The following TNS1 variants were observed in gnomAD, a reference collection of about 807,000 sequenced individuals.
TNS1 encodes the protein tensin 1.
In TNS1, 62 loss-of-function variants were observed where a neutral mutation model predicts 168.6. That is an observed-to-expected ratio of 0.37 (90% CI 0.30 to 0.45). The LOEUF (loss-of-function observed/expected upper bound fraction) is 0.45. Ranked by LOEUF, TNS1 falls within the 20% of genes least tolerant of loss-of-function variation. The pLI is 1.00. For synonymous variants in TNS1, 934 were observed against 933.2 expected (o/e 1.00, Z -0.02); for missense variants, 2,240 against 2,339.4 (o/e 0.96, Z 0.88).
chr2:217,805,910 A>ACACACACACG (rs1938947446), intron 32 of TNS1, among the ~76,000 whole-genome samples: 1 of 151,874 alleles, frequency 6.6e-6, no homozygotes, highest in Non-Finnish European at 1.5e-5. Context: ...ACACACACAC[A>ACACACACACG]TAATCCAGCA....
intron 18 of TNS1, among the ~76,000 whole-genome samples, chr2:217,867,339 T>C (rs1469663870): frequency 3.3e-5 from 5 of 152,236 alleles, no homozygotes; most frequent in African/African-American, 4.8e-5. Context: ...AAATTTGTCC[T>C]ATAGATAGAC....
chr2:217,888,235 G>A (rs911754053), intron 12 of TNS1, among the ~76,000 whole-genome samples: 4 of 152,172 alleles, frequency 2.6e-5, no homozygotes, highest in African/African-American at 9.6e-5. Context: ...GAGTCCGGAG[G>A]CGGGTGACAA....
At chr2:217,904,176 C>G (rs1252209842) in intron 6 of TNS1, among the ~76,000 whole-genome samples, 1 of 152,192 alleles carries the variant, frequency 6.6e-6, no homozygotes, top group Non-Finnish European at 1.5e-5. Context: ...ACACCCCTTC[C>G]CCTCTCCTTC....
intron 4 of TNS1, among the ~76,000 whole-genome samples, chr2:217,911,931 A>T (rs190191131): frequency 1.1e-4 from 17 of 152,398 alleles, no homozygotes; most frequent in Admixed American, 1.1e-3. Flanking sequence ...AAGAATAGGA[A>T]CTGGGCTGCA....
chr2:217,853,208 A>T (rs888177530), intron 18 of TNS1, among the ~76,000 whole-genome samples: 1 of 152,192 alleles, frequency 6.6e-6, no homozygotes, highest in Non-Finnish European at 1.5e-5. Flanking sequence ...CAAAAGAGAG[A>T]CGGGGGCAGA....
chr2:218,030,984 G>A (rs535115734), intron 1 of TNS1, among the ~76,000 whole-genome samples: 107 of 151,660 alleles, frequency 7.1e-4, no homozygotes, highest in African/African-American at 2.3e-3. Flanking sequence ...CTGTGTGTAT[G>A]AGTGTATGTA....
intron 3 of TNS1, among the ~76,000 whole-genome samples, chr2:217,926,239 T>C (rs1956018913): frequency 2.6e-5 from 4 of 152,174 alleles, no homozygotes; most frequent in Admixed American, 2.6e-4. Flanking sequence ...AGAAAATTCA[T>C]TTCTATTGTT....
In TNS1 at chr2:217,800,302, T is replaced by A. The variant is rs1435953759; in HGVS notation, c.*4157A>T. ...GATATGAACAGAGGTCCTCCAACAT[T>A]TTGGACATTTGAGGACAGAGGTGCC... is the stretch of plus-strand genomic sequence containing the variant. On this transcript the variant is annotated 3_prime_UTR_variant, in exon 33 of 33. Transcript: ENST00000682258. 2 of 152,184 alleles carry A rather than the reference T, an allele frequency of 1.3e-5. No individual in the cohort carries two copies. Among genetic ancestry groups the A allele is most frequent in the Non-Finnish European group, 2.9e-5 (2 of 68,050 alleles). 9.4% of individuals were successfully genotyped at this position (152,184 alleles called of 1,614,324 possible).
intron 18 of TNS1, among the ~76,000 whole-genome samples, chr2:217,862,929 T>C (rs1247531555): frequency 2.0e-5 from 3 of 152,088 alleles, no homozygotes; most frequent in Non-Finnish European, 2.9e-5. Context: ...AATGCCCCCA[T>C]TCCCTCCAGA....
At chr2:217,856,484 G>A (rs957854856) in intron 18 of TNS1, among the ~76,000 whole-genome samples, 4 of 152,210 alleles carry the variant, frequency 2.6e-5, no homozygotes, top group East Asian at 3.9e-4. Flanking sequence ...AGCCTGCAGC[G>A]AGCTCTGGAA....
intron 1 of TNS1, among the ~76,000 whole-genome samples, chr2:218,001,903 C>A (rs907204154): frequency 6.6e-6 from 1 of 152,148 alleles, no homozygotes; most frequent in Non-Finnish European, 1.5e-5. Context: ...GAAGCCCCCT[C>A]CCCCAAACCA....
chr2:217,915,384 C>T (rs990482937), intron 4 of TNS1, among the ~76,000 whole-genome samples: 4 of 152,180 alleles, frequency 2.6e-5, no homozygotes, highest in African/African-American at 4.8e-5. Context: ...GACTAGATAG[C>T]GTCCAAAGTC....
intron 3 of TNS1, among the ~76,000 whole-genome samples, chr2:217,969,550 T>C (rs566772084): frequency 2.5e-4 from 38 of 152,348 alleles, no homozygotes; most frequent in Admixed American, 5.2e-4. Flanking sequence ...AAGGAATTTG[T>C]ATCCTGAACG....
chr2:217,930,440 G>C (rs1183202390), intron 3 of TNS1, among the ~76,000 whole-genome samples: 1 of 152,138 alleles, frequency 6.6e-6, no homozygotes, highest in Non-Finnish European at 1.5e-5. Flanking sequence ...CTGTGCCCAG[G>C]GCACACAGGG....
chr2:217,835,044 G>T (rs751488342), intron 21 of TNS1, 47 bp downstream of exon 21: 9 of 1,513,742 alleles, frequency 5.9e-6, no homozygotes, highest in African/African-American at 1.4e-5. Context: ...TTGAGCTGAG[G>T]GGCTGGAGGG....
chr2:218,026,495 C>T (rs917407043), intron 1 of TNS1, among the ~76,000 whole-genome samples: 7 of 152,084 alleles, frequency 4.6e-5, no homozygotes, highest in African/African-American at 7.2e-5. Flanking sequence ...GCTCTGGGCC[C>T]GAGAATCCTG....
At chr2:217,989,817 C>T (rs1431422935) in intron 2 of TNS1, among the ~76,000 whole-genome samples, 5 of 152,108 alleles carry the variant, frequency 3.3e-5, no homozygotes, top group African/African-American at 1.2e-4. Flanking sequence ...ACACCAACCA[C>T]ATCCCATCCA....
chr2:217,914,445 G>A (rs1192493485), intron 4 of TNS1, among the ~76,000 whole-genome samples: 1 of 152,228 alleles, frequency 6.6e-6, no homozygotes. Flanking sequence ...TGTGGAGCTG[G>A]TGCTTCCATC....
chr2:217,962,931 G>A (rs1427904055), intron 3 of TNS1, among the ~76,000 whole-genome samples: 1 of 152,192 alleles, frequency 6.6e-6, no homozygotes, highest in African/African-American at 2.4e-5. Flanking sequence ...AGATCAATGT[G>A]AATGTCCTGG....
Sources: gnomAD v4.1 joint callset for allele counts (sites outside exome capture counted in the v4.1 genomes callset) on GRCh38, gnomAD v4.1.1 for gene constraint, MANE v1.5 for transcripts, NCBI Gene and HGNC (gene_info 2026-07-23, HGNC 2026-07-21) for gene names.